The following SORCS1 variants were observed in gnomAD, a reference collection of about 807,000 sequenced individuals.
SORCS1 encodes VPS10 domain-containing receptor SorCS1.
Under a neutral mutation model 146.1 loss-of-function variants are expected in SORCS1, and 60 were observed. That is an observed-to-expected ratio of 0.41 (90% CI 0.33 to 0.51). The LOEUF (loss-of-function observed/expected upper bound fraction) is 0.51. SORCS1 is among the 20% of genes least tolerant of loss of function. The pLI, the probability that SORCS1 is intolerant of heterozygous loss-of-function variation, is 0.21. For synonymous variants in SORCS1, 637 were observed against 584.0 expected (o/e 1.09, Z -1.31); for missense variants, 1,352 against 1,487.6 (o/e 0.91, Z 1.50).
chr10:106,889,028 A>G (rs1951114252), intron 2 of SORCS1, among the ~76,000 whole-genome samples: 2 of 152,168 alleles, frequency 1.3e-5, no homozygotes, highest in East Asian at 3.8e-4. Flanking sequence ...CTTTTTTTCA[A>G]TAGGAGGTAA....
chr10:107,003,901 T>C lies in SORCS1; in HGVS notation c.559-47321A>G, dbSNP rs1434766682. Among the ~76,000 whole-genome samples the C allele has an allele frequency of 2.0e-5, 3 of 151,904 alleles. 1 individual carries two copies. The highest frequency in any genetic ancestry group is 1.5e-5 in the Non-Finnish European group (1 of 67,938). ...TTTTAAAGCAGAGAATACGGCTGGG[T>C]GCGGTGGCTCATGCCTGTAATCCCA... On this transcript the variant is annotated intron_variant, in intron 1 of 25. Coordinates refer to ENST00000263054, the MANE Select transcript of SORCS1 (RefSeq NM_052918.5).
chr10:106,840,710 A>G (rs755353132), intron 2 of SORCS1, among the ~76,000 whole-genome samples: 1 of 151,896 alleles, frequency 6.6e-6, no homozygotes, highest in Non-Finnish European at 1.5e-5. Flanking sequence ...AGGAAACTTT[A>G]TTGTTATTTT....
chr10:106,650,831 T>G (rs559593969), intron 18 of SORCS1, among the ~76,000 whole-genome samples: 8 of 152,326 alleles, frequency 5.3e-5, no homozygotes, highest in African/African-American at 1.9e-4. Flanking sequence ...ATCCTCCTGA[T>G]AGTTCTCTTA....
intron 9 of SORCS1, among the ~76,000 whole-genome samples, chr10:106,693,228 C>T (rs1222196204): frequency 6.6e-6 from 1 of 152,192 alleles, no homozygotes; most frequent in African/African-American, 2.4e-5. Flanking sequence ...GCTTTGCAAA[C>T]ATGAACTTGT....
chr10:107,099,825 G>A (rs528536546), intron 1 of SORCS1, among the ~76,000 whole-genome samples: 1 of 152,268 alleles, frequency 6.6e-6, no homozygotes, highest in East Asian at 1.9e-4. Flanking sequence ...TATGTGCCAG[G>A]CATTGTACTT....
chr10:106,822,711 T>C, intron 3 of SORCS1, among the ~76,000 whole-genome samples: 1 of 151,724 alleles, frequency 6.6e-6, no homozygotes, highest in East Asian at 1.9e-4. Flanking sequence ...AGTAAGGATT[T>C]ACTTACTACA....
chr10:106,835,363 C>CT (rs372822689), intron 2 of SORCS1, among the ~76,000 whole-genome samples: 2 of 152,152 alleles, frequency 1.3e-5, no homozygotes, highest in African/African-American at 2.4e-5. Context: ...TAAATGATAG[C>CT]TTTTGTTACT....
chr10:106,755,462 A>G (rs1858563376), intron 5 of SORCS1, among the ~76,000 whole-genome samples: 1 of 152,196 alleles, frequency 6.6e-6, no homozygotes, highest in African/African-American at 2.4e-5. Context: ...AGCTAGACCA[A>G]TGTAGTTACT....
At chr10:107,009,871 T>C (rs7897879) in intron 1 of SORCS1, among the ~76,000 whole-genome samples, 7,354 of 152,092 alleles carry the variant, frequency 0.048, 586 homozygotes, top group African/African-American at 0.16. Flanking sequence ...CAATACGTAA[T>C]ATAAGTAATG....
At chr10:106,927,313 A>G (rs554130782) in intron 2 of SORCS1, among the ~76,000 whole-genome samples, 26 of 151,674 alleles carry the variant, frequency 1.7e-4, no homozygotes, top group African/African-American at 6.0e-4. Context: ...GAAGCTGCGG[A>G]CCTTCACAGA....
chr10:107,027,001 G>A (rs1381773633), intron 1 of SORCS1, among the ~76,000 whole-genome samples: 4 of 147,530 alleles, frequency 2.7e-5, no homozygotes, highest in Admixed American at 2.1e-4. Flanking sequence ...TAAGGTGCTT[G>A]ACTATCAGGG....
intron 1 of SORCS1, among the ~76,000 whole-genome samples, chr10:107,066,230 T>G (rs1038851158): frequency 2.0e-5 from 3 of 152,204 alleles, no homozygotes; most frequent in African/African-American, 7.2e-5. Context: ...CCAAGCATCA[T>G]GATCACTTTC....
chr10:106,665,690 T>C (rs958199082), intron 17 of SORCS1, among the ~76,000 whole-genome samples: 11 of 152,188 alleles, frequency 7.2e-5, no homozygotes, highest in Non-Finnish European at 1.3e-4. Flanking sequence ...ATAAGACTTA[T>C]TTTTTTCTTA....
intron 1 of SORCS1, among the ~76,000 whole-genome samples, chr10:107,124,862 CT>C (rs1966611846): frequency 1.3e-5 from 2 of 152,032 alleles, no homozygotes; most frequent in African/African-American, 2.4e-5. Context: ...AAGTGTCAGC[CT>C]TTTGGTCAGC....
Position 106,996,795 on chromosome 10 carries a change from C to A in SORCS1, c.559-40215G>T, listed in dbSNP as rs866253644. Among the ~76,000 whole-genome samples the A allele has an allele frequency of 4.6e-5, 7 of 152,204 alleles. 1 individual carries two copies. The Middle Eastern group carries it at 0.024, about 518-fold the overall frequency. Reference sequence around the variant, plus strand: ...GTACTCTTTGGGAAGATGAGACAGCCCAATTTGTAAGAGACTTAAACTCAA... The same window carrying A: ...GTACTCTTTGGGAAGATGAGACAGCACAATTTGTAAGAGACTTAAACTCAA... On this transcript the variant is annotated intron_variant, in intron 1 of 25. Coordinates refer to ENST00000263054, the MANE Select transcript of SORCS1 (RefSeq NM_052918.5).
At chr10:107,044,696 G>A (rs569171452) in intron 1 of SORCS1, among the ~76,000 whole-genome samples, 281 of 150,472 alleles carry the variant, frequency 1.9e-3, no homozygotes, top group African/African-American at 6.4e-3. Flanking sequence ...TGTGGCGGGC[G>A]TCTGTAGTCC....
intron 5 of SORCS1, among the ~76,000 whole-genome samples, chr10:106,742,143 T>C (rs1240280197): frequency 1.3e-5 from 2 of 152,190 alleles, no homozygotes; most frequent in East Asian, 3.9e-4. Context: ...ATTAGATTGA[T>C]CTTCATTGGA....
chr10:106,746,563 A>C, intron 5 of SORCS1, among the ~76,000 whole-genome samples: 1 of 152,236 alleles, frequency 6.6e-6, no homozygotes, highest in East Asian at 1.9e-4. Context: ...AGGCATTTCG[A>C]CAATCACAAA....
At chr10:106,870,756 A>C (rs1289765459) in intron 2 of SORCS1, among the ~76,000 whole-genome samples, 2 of 152,232 alleles carry the variant, frequency 1.3e-5, no homozygotes, top group Non-Finnish European at 2.9e-5. Context: ...CCTAGGCAAT[A>C]CCATCCTAGA....
Sources: allele counts gnomAD v4.1 joint callset (sites outside exome capture counted in the v4.1 genomes callset), GRCh38; gene constraint gnomAD v4.1.1; transcripts MANE v1.5; gene names NCBI Gene and HGNC (gene_info 2026-07-23, HGNC 2026-07-21).